VPS13A: variants seen among roughly 807,000 people sequenced by gnomAD.
The protein encoded by VPS13A is intermembrane lipid transfer protein VPS13A.
VPS13A carries 264 observed loss-of-function variants against 390.9 expected under a neutral mutation model. The observed-to-expected ratio is 0.68, with a 90% CI of 0.61 to 0.75. The LOEUF (loss-of-function observed/expected upper bound fraction) is 0.75, where lower values mean the gene tolerates loss of function less well. Among genes scored for constraint, VPS13A ranks in the 30% least tolerant of loss-of-function variants. The pLI is 0.00. For missense variants in VPS13A, 3,409 were observed against 3,733.9 expected (o/e 0.91, Z 2.27); for synonymous variants, 1,231 against 1,227.1 (o/e 1.00, Z -0.07).
rs1832375558 is a variant in VPS13A at position 77,365,357 on chromosome 9, G to A, written c.8212-103G>A. 7 of 745,616 alleles carry A rather than the reference G, an allele frequency of 9.4e-6. No individual in the cohort carries two copies. In the South Asian group the frequency reaches 1.1e-4, roughly 11 times the overall value. The allele number at this position is 745,616 out of a possible 1,614,324, so 46.2% of individuals were successfully genotyped here. The stretch of plus-strand genomic sequence containing the variant: ...CTGAGGCAATCATAAGCAATGTTGA[G>A]TCTGGATCTTATAGAAGAGTTTTGG... On this transcript the variant is annotated intron_variant, in intron 59 of 71. Transcript: ENST00000360280.
chr9:77,355,525 T>C (rs1831725034), intron 54 of VPS13A, among the ~76,000 whole-genome samples: 1 of 152,226 alleles, frequency 6.6e-6, no homozygotes, highest in Admixed American at 6.5e-5. Context: ...AGAATTTCTC[T>C]CTTAGGTATG....
At chr9:77,326,489 C>G (rs1830026564) in intron 45 of VPS13A, among the ~76,000 whole-genome samples, 1 of 151,842 alleles carries the variant, frequency 6.6e-6, no homozygotes, top group Admixed American at 6.6e-5. Flanking sequence ...CTTGCTGTGT[C>G]TTCAATTTCC....
Position 77,293,229 on chromosome 9 carries a change from A to C in VPS13A, c.3340-112A>C, listed in dbSNP as rs1476342922. On this transcript the variant is annotated intron_variant, in intron 31 of 71. Transcript: ENST00000360280. ...TGCCTCATTTGTACTTGGCTTGTGA[A>C]TACTTGGGAGATTTTCTAACTATGT... 4.1e-6 allele frequency: 4 copies of C among 974,566 alleles called. No homozygotes were observed. In the African/African-American group the frequency reaches 4.9e-5, roughly 12 times the overall value. The allele number at this position is 974,566 out of a possible 1,614,324, so 60.4% of individuals were successfully genotyped here.
chr9:77,330,488 G>C (rs963597309), intron 45 of VPS13A, among the ~76,000 whole-genome samples: 16 of 152,160 alleles, frequency 1.1e-4, no homozygotes, highest in African/African-American at 3.4e-4. Context: ...AACAAAGGAA[G>C]CAATATCAGA....
chr9:77,207,241 A>ACG (rs1455995422), intron 5 of VPS13A, among the ~76,000 whole-genome samples: 2,018 of 110,826 alleles, frequency 0.018, 151 homozygotes, highest in Admixed American at 0.057. Context: ...ATATATATAT[A>ACG]TATATATATA....
rs1293037040 is a variant in VPS13A at position 77,279,034 on chromosome 9, A to C, written c.2825-1125A>C. Among the ~76,000 whole-genome samples the C allele has an allele frequency of 5.3e-5, 8 of 152,192 alleles. No individual in the cohort carries two copies. In the East Asian group the frequency reaches 1.5e-3, roughly 29 times the overall value. On this transcript the variant is annotated intron_variant, in intron 26 of 71. Coordinates refer to ENST00000360280, the MANE Select transcript of VPS13A (RefSeq NM_033305.3). ...CTACAACCCCTGAAGCCCAAGGGGC[A>C]TGTGTTACAGTATGCTCTTTCAACT...
At chr9:77,204,343 A>G (rs1041395321) in intron 3 of VPS13A, among the ~76,000 whole-genome samples, 33 of 152,154 alleles carry the variant, frequency 2.2e-4, no homozygotes, top group Non-Finnish European at 3.7e-4. Flanking sequence ...GTAGTATAAG[A>G]AACCCCATAC....
rs1341706527 is a variant in VPS13A at position 77,276,234 on chromosome 9, A to G, written c.2824+13A>G. The G allele has an allele frequency of 4.0e-5, 62 of 1,566,046 alleles. No individual in the cohort carries two copies. The highest frequency in any genetic ancestry group is 2.0e-4 in the Middle Eastern group (1 of 4,998). ...CCAGAATACTTGGGTAAGAATCTCT[A>G]TTTTTTAAAATAAATAAATTAATTT... is the stretch of plus-strand genomic sequence containing the variant. On this transcript the variant is annotated intron_variant, in intron 26 of 71. Transcript: ENST00000360280.
chr9:77,298,408 A>G (rs1011072865), intron 33 of VPS13A, among the ~76,000 whole-genome samples: 1 of 152,188 alleles, frequency 6.6e-6, no homozygotes, highest in Non-Finnish European at 1.5e-5. Context: ...ATTGACAGAA[A>G]GAGGAACCCT....
In VPS13A at chr9:77,197,879, G is replaced by A. The variant is rs1468139398; in HGVS notation, c.101-2066G>A. Among the ~76,000 whole-genome samples, 3 of 152,124 alleles carry A rather than the reference G, an allele frequency of 2.0e-5. No individual in the cohort carries two copies. The East Asian group carries it at 5.8e-4, about 29-fold the overall frequency. ...CAATCTGTGGTTGTTTGGCATCATCGTTATTCTTGACTGAATTTATATGCT... is the reference window on the plus strand; with the variant it reads ...CAATCTGTGGTTGTTTGGCATCATCATTATTCTTGACTGAATTTATATGCT... On this transcript the variant is annotated intron_variant, in intron 1 of 71. Transcript: ENST00000360280.
intron 45 of VPS13A, among the ~76,000 whole-genome samples, chr9:77,324,788 T>A (rs1431959924): frequency 6.6e-6 from 1 of 152,094 alleles, no homozygotes; most frequent in Non-Finnish European, 1.5e-5. Flanking sequence ...GCAATCCTCC[T>A]ATCTCAACCT....
Position 77,318,201 on chromosome 9 carries a change from T to G in VPS13A, c.4957-34T>G. On this transcript the variant is annotated intron_variant, in intron 40 of 71. Transcript: ENST00000360280. ...TCTTGACGTAGTATGTTTGAAAGTG[T>G]TTTGTATAGACTTATTAATTTTTTT... The G allele has an allele frequency of 2.3e-6, 3 of 1,302,600 alleles. No individual in the cohort carries two copies. In the South Asian group the frequency reaches 4.0e-5, roughly 17 times the overall value. 80.7% of individuals were successfully genotyped at this position (1,302,600 alleles called of 1,614,324 possible). A position where few individuals can be genotyped will look rare whatever the true frequency, so the allele number is the denominator to read the frequency against.
At chr9:77,373,798 C>T (rs896121906) in intron 67 of VPS13A, among the ~76,000 whole-genome samples, 4 of 151,608 alleles carry the variant, frequency 2.6e-5, no homozygotes, top group South Asian at 2.1e-4. Flanking sequence ...AAGAAAAAAA[C>T]AAACAACCCC....
intron 45 of VPS13A, 108 bp downstream of exon 45, chr9:77,323,335 G>A (rs1024532438): frequency 8.1e-5 from 108 of 1,326,708 alleles, no homozygotes; most frequent in Non-Finnish European, 1.1e-4. Context: ...AACCGTAACA[G>A]TAATACAGCT....
chr9:77,386,993 C>T (rs1283436118), intron 68 of VPS13A, among the ~76,000 whole-genome samples: 4 of 151,804 alleles, frequency 2.6e-5, no homozygotes, highest in African/African-American at 7.3e-5. Context: ...CGTGAGCCAC[C>T]GCACCCAGCC....
At chr9:77,275,069 C>T (rs1341520705) in intron 24 of VPS13A, among the ~76,000 whole-genome samples, 1 of 152,098 alleles carries the variant, frequency 6.6e-6, no homozygotes, top group Non-Finnish European at 1.5e-5. Context: ...GACTCTGCTG[C>T]TAATATTGCA....
At chr9:77,392,050 G>T (rs1422195617) in intron 68 of VPS13A, among the ~76,000 whole-genome samples, 3 of 152,106 alleles carry the variant, frequency 2.0e-5, no homozygotes, top group African/African-American at 4.8e-5. Flanking sequence ...CACATGCCAC[G>T]TTAGAGGCCA....
intron 68 of VPS13A, chr9:77,384,519 G>A: frequency 6.2e-7 from 1 of 1,600,718 alleles, no homozygotes; most frequent in Non-Finnish European, 8.5e-7. Flanking sequence ...AATCTTACAT[G>A]TTTTCAAGCA....
chr9:77,337,969 A>AAAAAATTTT, intron 47 of VPS13A: 1 of 155,112 alleles, frequency 6.4e-6, no homozygotes. Context: ...TAGAATTACC[A>AAAAAATTTT]TTTGCTTTTT....
Sources: allele counts gnomAD v4.1 joint callset (sites outside exome capture counted in the v4.1 genomes callset), GRCh38; gene constraint gnomAD v4.1.1; transcripts MANE v1.5; gene names NCBI Gene and HGNC (gene_info 2026-07-23, HGNC 2026-07-21).